AGBL4: variants seen among roughly 807,000 people sequenced by gnomAD.
AGBL4 encodes AGBL carboxypeptidase 4.
AGBL4 carries 58 observed loss-of-function variants against 66.4 expected under a neutral mutation model. That is an observed-to-expected ratio of 0.87 (90% CI 0.71 to 1.09). The LOEUF (loss-of-function observed/expected upper bound fraction) is 1.09, where lower values mean the gene tolerates loss of function less well. AGBL4 is among the 50% of genes least tolerant of loss of function. The pLI is 0.00. For synonymous variants in AGBL4, 234 were observed against 222.9 expected (o/e 1.05, Z -0.44); for missense variants, 579 against 631.0 (o/e 0.92, Z 0.88).
chr1:48,631,151 A>G (rs1333095521), intron 9 of AGBL4, among the ~76,000 whole-genome samples: 1 of 152,180 alleles, frequency 6.6e-6, no homozygotes, highest in East Asian at 1.9e-4. Flanking sequence ...TGCATTTAGA[A>G]AAAAGCCCAG....
chr1:49,381,441 T>A (rs1644607095), intron 3 of AGBL4, among the ~76,000 whole-genome samples: 1 of 152,288 alleles, frequency 6.6e-6, no homozygotes, highest in Admixed American at 6.5e-5. Flanking sequence ...AGTGTGGTGA[T>A]TCCTCAGGGA....
At chr1:49,418,103 A>G (rs570110197) in intron 3 of AGBL4, among the ~76,000 whole-genome samples, 2 of 152,312 alleles carry the variant, frequency 1.3e-5, no homozygotes, top group East Asian at 1.9e-4. Flanking sequence ...TAGTCTAGCT[A>G]AATTCCAGTC....
chr1:49,389,729 A>C (rs1347524851), intron 3 of AGBL4, among the ~76,000 whole-genome samples: 1 of 152,174 alleles, frequency 6.6e-6, no homozygotes, highest in Non-Finnish European at 1.5e-5. Context: ...GTGAGGAAGA[A>C]GGGGAAACTC....
chr1:48,758,951 G>A (rs778350481), intron 6 of AGBL4: 14 of 1,596,988 alleles, frequency 8.8e-6, no homozygotes, highest in Admixed American at 1.7e-5. Context: ...TTAAGGTCAC[G>A]GAGCTCCTTC....
chr1:49,697,543 C>T (rs1647010619), intron 2 of AGBL4, 106 bp from the exon 3 acceptor site: 1 of 956,174 alleles, frequency 1.0e-6, no homozygotes, highest in African/African-American at 1.6e-5. Flanking sequence ...TGTCAACATT[C>T]AGTACTTGAA....
At chr1:49,330,352 G>T (rs1645307687) in intron 3 of AGBL4, among the ~76,000 whole-genome samples, 1 of 152,236 alleles carries the variant, frequency 6.6e-6, no homozygotes, top group Non-Finnish European at 1.5e-5. Context: ...GGGAGGCAGA[G>T]ATGGCAGTGG....
At chr1:48,738,001 T>A (rs921627539) in intron 6 of AGBL4, among the ~76,000 whole-genome samples, 1 of 152,010 alleles carries the variant, frequency 6.6e-6, no homozygotes, top group African/African-American at 2.4e-5. Flanking sequence ...TCTGGAGAGG[T>A]CCCTGGTCTA....
chr1:49,639,249 C>T (rs1426820922), intron 3 of AGBL4, among the ~76,000 whole-genome samples: 1 of 152,136 alleles, frequency 6.6e-6, no homozygotes, highest in African/African-American at 2.4e-5. Flanking sequence ...CATTCTAACA[C>T]ACACCCTGCT....
At chr1:49,172,588 G>A (rs1245588461) in intron 4 of AGBL4, among the ~76,000 whole-genome samples, 1 of 152,130 alleles carries the variant, frequency 6.6e-6, no homozygotes, top group Non-Finnish European at 1.5e-5. Flanking sequence ...GACATTGTGA[G>A]CAGAGCCAAA....
chr1:48,730,819 A>G (rs1338028850), intron 6 of AGBL4, among the ~76,000 whole-genome samples: 2 of 152,210 alleles, frequency 1.3e-5, no homozygotes, highest in East Asian at 3.9e-4. Flanking sequence ...TAAAAAAGTT[A>G]TAAAAATTAA....
intron 1 of AGBL4, among the ~76,000 whole-genome samples, chr1:49,942,294 A>G (rs1654832844): frequency 6.6e-6 from 1 of 152,130 alleles, no homozygotes; most frequent in Non-Finnish European, 1.5e-5. Flanking sequence ...AGCAACCCCT[A>G]TGAAAATTAC....
At chr1:49,146,907 C>A (rs1019877745) in intron 4 of AGBL4, among the ~76,000 whole-genome samples, 6 of 152,232 alleles carry the variant, frequency 3.9e-5, no homozygotes, top group Non-Finnish European at 8.8e-5. Flanking sequence ...GAGCACAATG[C>A]CTCCAAGCCA....
Position 49,102,031 on chromosome 1 carries a change from T to C in AGBL4, c.378-56231A>G, listed in dbSNP as rs1045326997. Among the ~76,000 whole-genome samples, 119 of 145,752 alleles carry C rather than the reference T, an allele frequency of 8.2e-4. 1 individual carries two copies. The highest frequency in any genetic ancestry group is 2.9e-3 in the African/African-American group (114 of 39,692). On this transcript the variant is annotated intron_variant, in intron 4 of 13. Transcript: ENST00000371839. ...TGATCAACTGAGAGAGGGAGAGAGA[T>C]AGAGAGAGAGAGAGAGAGACAGAGA... is the stretch of plus-strand genomic sequence containing the variant.
In AGBL4 at chr1:49,846,384, G is replaced by A. The variant is rs137962564; in HGVS notation, c.157+5012C>T. 13 of 1,541,108 alleles carry A rather than the reference G, an allele frequency of 8.4e-6. No homozygotes were observed. The South Asian group carries it at 1.3e-4, about 16-fold the overall frequency. On this transcript the variant is annotated intron_variant, in intron 2 of 13. Coordinates refer to ENST00000371839, the MANE Select transcript of AGBL4 (RefSeq NM_032785.4). ...AGCACCTCCCTTACCAAGCACCAGA[G>A]AACTCACACTGGATAAACCCACTCC...
At chr1:49,202,049 T>C (rs1404105887) in intron 4 of AGBL4, among the ~76,000 whole-genome samples, 1 of 152,150 alleles carries the variant, frequency 6.6e-6, no homozygotes, top group Non-Finnish European at 1.5e-5. Flanking sequence ...CAGGAGATGC[T>C]ATCCATCAAA....
intron 10 of AGBL4, among the ~76,000 whole-genome samples, chr1:48,588,366 C>G (rs1333987228): frequency 6.6e-6 from 1 of 152,210 alleles, no homozygotes; most frequent in East Asian, 1.9e-4. Flanking sequence ...GCTCTACTAC[C>G]CACTGAGTAC....
chr1:49,604,128 T>C (rs1167574228), intron 3 of AGBL4, among the ~76,000 whole-genome samples: 1 of 152,218 alleles, frequency 6.6e-6, no homozygotes, highest in African/African-American at 2.4e-5. Context: ...GTAGATCTAC[T>C]TTTAGTTCTT....
chr1:49,305,500 T>C (rs1174342531), intron 3 of AGBL4, among the ~76,000 whole-genome samples: 5 of 152,146 alleles, frequency 3.3e-5, no homozygotes, highest in Admixed American at 3.3e-4. Flanking sequence ...TGAACCTGCC[T>C]ATGAAGGGAC....
intron 3 of AGBL4, among the ~76,000 whole-genome samples, chr1:49,397,574 A>G (rs2148604760): frequency 6.6e-6 from 1 of 152,324 alleles, no homozygotes; most frequent in Admixed American, 6.5e-5. Context: ...AGTAATCCAG[A>G]ATTGAATCAG....
Sources: allele counts gnomAD v4.1 joint callset (sites outside exome capture counted in the v4.1 genomes callset), GRCh38; gene constraint gnomAD v4.1.1; transcripts MANE v1.5; gene names NCBI Gene and HGNC (gene_info 2026-07-23, HGNC 2026-07-21).